EYS: variants seen among roughly 807,000 people sequenced by gnomAD.
The protein encoded by EYS is EGF-like photoreceptor maintenance factor, also known as protein eyes shut homolog.
EYS carries 250 observed loss-of-function variants against 282.1 expected under a neutral mutation model. That is an observed-to-expected ratio of 0.89 (90% CI 0.80 to 0.98). The LOEUF (loss-of-function observed/expected upper bound fraction) is 0.98, where lower values mean the gene tolerates loss of function less well. EYS is among the 50% of genes least tolerant of loss of function. The pLI is 0.00. For missense variants in EYS, 4,016 were observed against 3,709.0 expected (o/e 1.08, Z -2.15); for synonymous variants, 1,355 against 1,282.9 (o/e 1.06, Z -1.20).
At chr6:64,587,179 CAG>C (rs1442130108) in intron 26 of EYS, among the ~76,000 whole-genome samples, 1 of 151,954 alleles carries the variant, frequency 6.6e-6, no homozygotes, top group Non-Finnish European at 1.5e-5. Context: ...AGAGGTTGCT[CAG>C]AGTGTCATTT....
At chr6:64,338,583 G>A (rs1423015475) in intron 29 of EYS, among the ~76,000 whole-genome samples, 1 of 151,854 alleles carries the variant, frequency 6.6e-6, no homozygotes, top group Non-Finnish European at 1.5e-5. Flanking sequence ...CAAATTCAAT[G>A]CAATCCCCAT....
At chr6:65,142,230 T>C (rs1764363877) in intron 12 of EYS, among the ~76,000 whole-genome samples, 1 of 152,046 alleles carries the variant, frequency 6.6e-6, no homozygotes, top group Non-Finnish European at 1.5e-5. Context: ...ATCTAATATA[T>C]TTTATTTCTC....
At chr6:64,307,816 TCATGTATCTCATAAC>T (rs1769511860) in intron 29 of EYS, among the ~76,000 whole-genome samples, 5 of 24,872 alleles carry the variant, frequency 2.0e-4, no homozygotes, top group Admixed American at 9.7e-4. Context: ...TCTCATAACA[TCATGTATCTCATAAC>T]ATCATGTGGC....
chr6:64,581,815 G>A (rs1332247702), intron 26 of EYS, among the ~76,000 whole-genome samples: 1 of 152,082 alleles, frequency 6.6e-6, no homozygotes, highest in East Asian at 1.9e-4. Context: ...AGGGCTTCAC[G>A]AAGGGCAGAT....
chr6:64,821,561 A>T, intron 21 of EYS, 84 bp downstream of exon 21: 1 of 672,318 alleles, frequency 1.5e-6, no homozygotes, highest in South Asian at 2.0e-5. Context: ...GGAAGAAATG[A>T]CTCTGAAACC....
At position 64,747,809 on chromosome 6, in the gene EYS, T is replaced by C. The variant is rs543430215; in HGVS notation, c.3443+65569A>G. 7.2e-5 allele frequency among the ~76,000 whole-genome samples: 11 copies of C among 152,300 alleles called. No homozygotes were observed. The South Asian group carries it at 2.3e-3, about 32-fold the overall frequency. On this transcript the variant is annotated intron_variant, in intron 22 of 42. Transcript: ENST00000503581. ...GGTTCTTTATACTTGTGCTTTAGGGTTTGTGCACAGAATTAGAATGACCTT... is the reference window on the plus strand; with the variant it reads ...GGTTCTTTATACTTGTGCTTTAGGGCTTGTGCACAGAATTAGAATGACCTT...
In EYS at chr6:64,817,460, G is replaced by A. The variant is rs568786256; in HGVS notation, c.3244-3883C>T. ...GCTCATAAATTACAGTCCACACTCAGAGAAACACAAATACATGCACTCATG... is the reference window on the plus strand; with the variant it reads ...GCTCATAAATTACAGTCCACACTCAAAGAAACACAAATACATGCACTCATG... On this transcript the variant is annotated intron_variant, in intron 21 of 42. Coordinates refer to ENST00000503581, the MANE Select transcript of EYS (RefSeq NM_001142800.2). Among the ~76,000 whole-genome samples the A allele has an allele frequency of 9.2e-5, 14 of 152,250 alleles. No homozygotes were observed. The South Asian group carries it at 1.5e-3, about 16-fold the overall frequency.
chr6:65,613,459 T>C (rs908880654), intron 2 of EYS, among the ~76,000 whole-genome samples: 1 of 151,764 alleles, frequency 6.6e-6, no homozygotes. Context: ...TGAAGTATAA[T>C]TTTCAGTCTG....
chr6:64,821,506 T>C (rs1469168911), intron 21 of EYS, 139 bp downstream of exon 21: 1 of 492,254 alleles, frequency 2.0e-6, no homozygotes, highest in Non-Finnish European at 3.6e-6. Context: ...GCCAAAGAAT[T>C]ACACAGAGGA....
chr6:64,540,801 C>T (rs1456340461), intron 26 of EYS, among the ~76,000 whole-genome samples: 1 of 152,132 alleles, frequency 6.6e-6, no homozygotes, highest in Non-Finnish European at 1.5e-5. Flanking sequence ...TCTTCTAATA[C>T]CTAATTGAAG....
chr6:65,479,713 C>A (rs1765535773), intron 5 of EYS, among the ~76,000 whole-genome samples: 1 of 152,082 alleles, frequency 6.6e-6, no homozygotes, highest in Non-Finnish European at 1.5e-5. Context: ...TGTAAGTCTT[C>A]TAGAAGAACG....
intron 26 of EYS, among the ~76,000 whole-genome samples, chr6:64,503,703 C>T (rs9362909): frequency 0.41 from 62,985 of 151,876 alleles, 13,606 homozygotes; most frequent in African/African-American, 0.56. Context: ...GCCTTGACTC[C>T]GAACCATCAA....
chr6:64,193,436 C>T lies in EYS; in HGVS notation c.6424+37156G>A, dbSNP rs1349257598. On this transcript the variant is annotated intron_variant, in intron 31 of 42. Coordinates refer to ENST00000503581, the MANE Select transcript of EYS (RefSeq NM_001142800.2). ...TGTCATTCTCCTGCCTCAGCCTCCC[C>T]AGTAGCTGAGACTACGGGAGCCTGC... Among the ~76,000 whole-genome samples, 4 of 151,968 alleles carry T rather than the reference C, an allele frequency of 2.6e-5. No homozygotes were observed. The East Asian group carries it at 7.7e-4, about 29-fold the overall frequency.
intron 12 of EYS, among the ~76,000 whole-genome samples, chr6:65,147,120 A>T (rs927592540): frequency 6.6e-6 from 1 of 151,974 alleles, no homozygotes; most frequent in African/African-American, 2.4e-5. Flanking sequence ...AAAATTGATT[A>T]TTAATTTCTA....
At chr6:65,093,525 A>G (rs1774634978) in intron 12 of EYS, among the ~76,000 whole-genome samples, 1 of 152,068 alleles carries the variant, frequency 6.6e-6, no homozygotes, top group South Asian at 2.1e-4. Context: ...CATGGAGGTA[A>G]AAGTGTAGAA....
rs1346064778 is a variant in EYS, at chr6:64,186,733, T to TTGG, written c.6424+43856_6424+43858dup. ...TTTTCCCTCTATCCCTTATTAGGTG[T>TTGG]TGGTTCTCTCAGAGGAACGAAACTG... On this transcript the variant is annotated intron_variant, in intron 31 of 42. Transcript: ENST00000503581. Among the ~76,000 whole-genome samples, 8 of 152,230 alleles carry TTGG rather than the reference T, an allele frequency of 5.3e-5. No individual in the cohort carries two copies. The East Asian group carries it at 1.6e-3, about 30-fold the overall frequency.
chr6:64,499,240 T>C (rs952384435), intron 26 of EYS, among the ~76,000 whole-genome samples: 2 of 152,214 alleles, frequency 1.3e-5, no homozygotes, highest in Non-Finnish European at 2.9e-5. Flanking sequence ...ATTATATGTA[T>C]AGCTAACTTT....
intron 11 of EYS, chr6:65,330,749 A>T: frequency 2.1e-6 from 2 of 959,658 alleles, no homozygotes; most frequent in Non-Finnish European, 2.5e-6. Context: ...AAATTTCTCC[A>T]TCCCGAAATC....
intron 2 of EYS, among the ~76,000 whole-genome samples, chr6:65,605,467 C>T (rs1284205227): frequency 2.6e-5 from 4 of 151,832 alleles, no homozygotes; most frequent in Non-Finnish European, 4.4e-5. Context: ...TAAATTTGTA[C>T]AGCCTTTTAG....
Sources: gnomAD v4.1 joint callset for allele counts (sites outside exome capture counted in the v4.1 genomes callset) on GRCh38, gnomAD v4.1.1 for gene constraint, MANE v1.5 for transcripts, NCBI Gene and HGNC (gene_info 2026-07-23, HGNC 2026-07-21) for gene names.